The following EYA1 variants were observed in gnomAD, a reference collection of about 807,000 sequenced individuals.
The protein encoded by EYA1 is protein phosphatase EYA1.
A neutral mutation model predicts 82.0 loss-of-function variants in EYA1; 16 were observed. The observed-to-expected ratio is 0.20, with a 90% CI of 0.13 to 0.30. The LOEUF is 0.30. Ranked by LOEUF, EYA1 falls within the 10% of genes least tolerant of loss-of-function variation. EYA1 has a pLI of 1.00. For missense variants in EYA1, 633 were observed against 730.7 expected, an observed-to-expected ratio of 0.87 and a Z score of 1.54; for synonymous variants, 261 against 264.4, an observed-to-expected ratio of 0.99 and a Z score of 0.12.
chr8:71,448,446 C>A (rs992246571), intron 2 of EYA1, among the ~76,000 whole-genome samples: 2 of 152,096 alleles, frequency 1.3e-5, no homozygotes, highest in Non-Finnish European at 2.9e-5. Flanking sequence ...AATTCTATTT[C>A]TCTTCCTATT....
intron 9 of EYA1, among the ~76,000 whole-genome samples, chr8:71,280,109 T>G (rs1817648618): frequency 1.3e-5 from 2 of 152,354 alleles, no homozygotes; most frequent in South Asian, 4.1e-4. Flanking sequence ...AGGCACCAAG[T>G]CTGCTGTCCC....
intron 7 of EYA1, among the ~76,000 whole-genome samples, chr8:71,307,904 A>T (rs1233773367): frequency 6.6e-6 from 1 of 152,238 alleles, no homozygotes; most frequent in African/African-American, 2.4e-5. Context: ...TATCACAGGT[A>T]TATTAATGAA....
intron 12 of EYA1, 48 bp from the exon 13 acceptor site, chr8:71,217,071 AT>A (rs373129341): frequency 4.8e-5 from 70 of 1,455,430 alleles, no homozygotes; most frequent in East Asian, 6.8e-5. Context: ...AGAGTACCTA[AT>A]TTTTTTGTTT....
intron 3 of EYA1, among the ~76,000 whole-genome samples, chr8:71,352,653 C>A (rs992378143): frequency 6.6e-6 from 1 of 152,074 alleles, no homozygotes; most frequent in Admixed American, 6.5e-5. Context: ...AGAACAAATT[C>A]TATGTATTTT....
chr8:71,529,602 T>C (rs1447805338), intron 2 of EYA1: 1 of 152,146 alleles, frequency 6.6e-6, no homozygotes, highest in Non-Finnish European at 1.5e-5. Flanking sequence ...CAGCCCAGCC[T>C]CTCCTCTGGG....
intron 2 of EYA1, among the ~76,000 whole-genome samples, chr8:71,442,132 T>C (rs1217710564): frequency 2.6e-5 from 4 of 152,222 alleles, no homozygotes; most frequent in Admixed American, 2.0e-4. Flanking sequence ...ATCCCACTTA[T>C]AAGTTGTGAA....
intron 12 of EYA1, among the ~76,000 whole-genome samples, chr8:71,221,381 G>A (rs1809896168): frequency 6.6e-6 from 1 of 152,132 alleles, no homozygotes; most frequent in African/African-American, 2.4e-5. Flanking sequence ...AGAGAGGTGA[G>A]GGGAAGCCTT....
chr8:71,280,830 C>T (rs1377942713), intron 9 of EYA1, among the ~76,000 whole-genome samples: 1 of 152,172 alleles, frequency 6.6e-6, no homozygotes, highest in Non-Finnish European at 1.5e-5. Flanking sequence ...TTCACTGCAG[C>T]CTTGACCTCC....
chr8:71,450,223 C>T (rs370404970), intron 2 of EYA1, among the ~76,000 whole-genome samples: 6 of 152,224 alleles, frequency 3.9e-5, no homozygotes, highest in East Asian at 3.9e-4. Flanking sequence ...CACAAGAGGC[C>T]TACTTTTGGC....
chr8:71,245,813 A>G (rs1465100189), intron 11 of EYA1, among the ~76,000 whole-genome samples: 1 of 152,194 alleles, frequency 6.6e-6, no homozygotes, highest in Non-Finnish European at 1.5e-5. Flanking sequence ...CAGGGAGCTG[A>G]TCTTAAGATT....
intron 11 of EYA1, 51 bp downstream of exon 11, chr8:71,269,689 G>C: frequency 8.0e-7 from 1 of 1,245,630 alleles, no homozygotes; most frequent in Non-Finnish European, 1.2e-6. Context: ...AAACAAATTA[G>C]AGGTATATTT....
chr8:71,463,621 CTCTCTCTCTCT>C (rs1370848758), intron 2 of EYA1, among the ~76,000 whole-genome samples: 3,215 of 120,844 alleles, frequency 0.027, 370 homozygotes, highest in East Asian at 0.13. Context: ...CTCTCTCTCT[CTCTCTCTCTCT>C]CCCTCCCTCC....
intron 9 of EYA1, among the ~76,000 whole-genome samples, chr8:71,272,784 C>T (rs551589011): frequency 2.2e-4 from 33 of 152,282 alleles, no homozygotes; most frequent in African/African-American, 6.7e-4. Context: ...AAATTCCAGA[C>T]GTCCAAAAAG....
chr8:71,394,252 T>G (rs563204790), intron 2 of EYA1, among the ~76,000 whole-genome samples: 1 of 152,206 alleles, frequency 6.6e-6, no homozygotes, highest in Non-Finnish European at 1.5e-5. Context: ...GCCTATTCAC[T>G]CTGATGGTAG....
At chr8:71,341,916 G>T (rs1825174685) in intron 3 of EYA1, among the ~76,000 whole-genome samples, 1 of 152,170 alleles carries the variant, frequency 6.6e-6, no homozygotes, top group Admixed American at 6.5e-5. Flanking sequence ...ATAGCAGCAT[G>T]TGCAATTACT....
intron 12 of EYA1, 98 bp downstream of exon 12, chr8:71,244,505 T>G (rs1812842718): frequency 1.4e-6 from 1 of 708,220 alleles, no homozygotes; most frequent in African/African-American, 1.8e-5. Flanking sequence ...TGTCTCACTA[T>G]TCCAATTATA....
chr8:71,239,092 T>C (rs1005336281), intron 12 of EYA1, among the ~76,000 whole-genome samples: 7 of 152,144 alleles, frequency 4.6e-5, no homozygotes, highest in Non-Finnish European at 1.0e-4. Context: ...GATGACAATC[T>C]TATAAGAAAT....
chr8:71,507,899 C>T (rs1298758270), intron 2 of EYA1, among the ~76,000 whole-genome samples: 3 of 152,212 alleles, frequency 2.0e-5, no homozygotes, highest in Non-Finnish European at 4.4e-5. Flanking sequence ...AACCTCAAAA[C>T]ATTGACAAAT....
At chr8:71,309,534 C>CT (rs1391570335) in intron 7 of EYA1, among the ~76,000 whole-genome samples, 2 of 152,184 alleles carry the variant, frequency 1.3e-5, no homozygotes, top group Admixed American at 1.3e-4. Context: ...TCACAGATTA[C>CT]TTTTTTAAGC....
Sources: allele counts gnomAD v4.1 joint callset (sites outside exome capture counted in the v4.1 genomes callset), GRCh38; gene constraint gnomAD v4.1.1; transcripts MANE v1.5; gene names NCBI Gene and HGNC (gene_info 2026-07-23, HGNC 2026-07-21).